Variants in IDO2 observed in about 807,000 individuals in gnomAD.
IDO2 encodes indoleamine 2,3-dioxygenase-like 1 protein.
Under a neutral mutation model 45.1 loss-of-function variants are expected in IDO2, and 46 were observed. The ratio of observed to expected loss-of-function variants is 1.02; its 90% CI spans 0.80 to 1.30. The LOEUF is 1.30. Ranked by LOEUF, IDO2 falls within the 50% of genes most tolerant of loss-of-function variation. The probability of loss-of-function intolerance (pLI) is 0.00; values close to 1 mark genes in which losing one functional copy is unlikely to be tolerated. For missense variants in IDO2, 544 were observed against 491.8 expected (o/e 1.11, Z -1.00); for synonymous variants, 218 against 184.9 (o/e 1.18, Z -1.45).
At chr8:39,940,365 T>C (rs1468982511) in intron 1 of IDO2, among the ~76,000 whole-genome samples, 1 of 152,192 alleles carries the variant, frequency 6.6e-6, no homozygotes, top group Non-Finnish European at 1.5e-5. Context: ...AATACAAAGT[T>C]GTGTTGGATA....
At chr8:39,945,095 G>A (rs1807710099) in intron 1 of IDO2, among the ~76,000 whole-genome samples, 1 of 152,226 alleles carries the variant, frequency 6.6e-6, no homozygotes, top group African/African-American at 2.4e-5. Context: ...GAATGACAAA[G>A]TTCATAAATT....
At chr8:40,015,195 C>G in intron 10 of IDO2, 52 bp from the exon 11 acceptor site, 1 of 1,060,178 alleles carries the variant, frequency 9.4e-7, no homozygotes, top group Non-Finnish European at 1.4e-6. Flanking sequence ...CAGACGAGCT[C>G]TGCTATATTT....
intron 10 of IDO2, among the ~76,000 whole-genome samples, chr8:40,014,631 A>G (rs1434628549): frequency 6.6e-6 from 1 of 152,220 alleles, no homozygotes; most frequent in East Asian, 1.9e-4. Context: ...GCAGCTACCA[A>G]CGGGATACTT....
intron 2 of IDO2, among the ~76,000 whole-genome samples, chr8:39,955,609 C>T (rs887646156): frequency 3.9e-5 from 6 of 152,012 alleles, no homozygotes; most frequent in African/African-American, 1.5e-4. Context: ...AAGTTGAATA[C>T]TCTGACGATA....
intron 4 of IDO2, among the ~76,000 whole-genome samples, chr8:39,979,586 C>T (rs922478545): frequency 6.6e-6 from 1 of 151,978 alleles, no homozygotes; most frequent in Non-Finnish European, 1.5e-5. Flanking sequence ...CTCTTGACCT[C>T]AGGTAATCTG....
chr8:39,969,853 C>T (rs889885691), intron 3 of IDO2, among the ~76,000 whole-genome samples: 3 of 140,388 alleles, frequency 2.1e-5, no homozygotes, highest in African/African-American at 8.1e-5. Context: ...CCAGCCAGGG[C>T]AACAAGAGTA....
At chr8:39,952,378 A>C (rs1301202897) in intron 2 of IDO2, among the ~76,000 whole-genome samples, 1 of 152,250 alleles carries the variant, frequency 6.6e-6, no homozygotes, top group Non-Finnish European at 1.5e-5. Context: ...AAACTCTTTT[A>C]GAAGTTCCTT....
chr8:39,949,093 C>G (rs1210256676), intron 1 of IDO2, 56 bp from the exon 2 acceptor site: 4 of 1,550,366 alleles, frequency 2.6e-6, no homozygotes, highest in African/African-American at 1.4e-5. Flanking sequence ...AAGGATGGAA[C>G]CTGGGTGTTT....
exon 5 of IDO2, chr8:39,982,704 G>A: frequency 1.2e-6 from 2 of 1,611,840 alleles, no homozygotes; most frequent in African/African-American, 2.7e-5. Context: ...AGGAACTTGG[G>A]GCTCCCTCCT....
At chr8:40,015,157 GAA>G (rs5891076) in intron 10 of IDO2, 88 bp from the exon 11 acceptor site, 91 of 652,934 alleles carry the variant, frequency 1.4e-4, no homozygotes, top group East Asian at 2.5e-4. Flanking sequence ...CTCATCTAGA[GAA>G]AAAAAAAATA....
At chr8:39,985,663 G>A in intron 6 of IDO2, 141 bp downstream of exon 6, 4 of 697,222 alleles carry the variant, frequency 5.7e-6, no homozygotes, top group Admixed American at 3.1e-5. Context: ...TATACTAGAA[G>A]GAAATGTGCC....
In IDO2 at chr8:39,961,320, CTTTTTTTTT is replaced by C. The variant is rs57577433; in HGVS notation, c.100-2277_100-2269del. Among the ~76,000 whole-genome samples the C allele has an allele frequency of 1.5e-4, 16 of 106,116 alleles. 1 individual carries two copies. The East Asian group carries it at 1.8e-3, about 12-fold the overall frequency. 69.6% of individuals were successfully genotyped at this position (106,116 alleles called of 152,430 possible). On this transcript the variant is annotated intron_variant, in intron 2 of 10. Coordinates refer to ENST00000502986, the Ensembl canonical transcript of IDO2. ...AGTTATGCTTTCAAATTGTATACTT[CTTTTTTTTT>C]TTTTTTTTTTGAAATGGAGTGTTAC...
chr8:39,951,544 C>A (rs1807814996), intron 2 of IDO2, among the ~76,000 whole-genome samples: 1 of 152,112 alleles, frequency 6.6e-6, no homozygotes. Flanking sequence ...TACAAACATC[C>A]CCTGACCCTC....
chr8:39,965,296 AGAAACATGGT>A (rs1474262547), intron 3 of IDO2, among the ~76,000 whole-genome samples: 30 of 152,258 alleles, frequency 2.0e-4, no homozygotes, highest in African/African-American at 7.0e-4. Flanking sequence ...GACCAGCCTG[AGAAACATGGT>A]GAAACCATGT....
At chr8:39,938,791 A>G (rs59564535) in intron 1 of IDO2, among the ~76,000 whole-genome samples, 28,066 of 152,178 alleles carry the variant, frequency 0.18, 2,999 homozygotes, top group South Asian at 0.32. Flanking sequence ...CTCAACAGAA[A>G]CCCCATCAAA....
chr8:39,989,769 C>CT lies in IDO2; in HGVS notation c.599dup (p.Leu201AlafsTer23). ...TATCTTGCAGCCCAACCAGGAGGCC[C>CT]TGCTCCAAGCCCTGCAGCGACTGAG... On this transcript the variant is annotated frameshift_variant, in exon 8 of 11. Coordinates refer to ENST00000502986, the Ensembl canonical transcript of IDO2. LOFTEE classifies it high-confidence loss of function. The CT allele has an allele frequency of 1.2e-6, 2 of 1,604,678 alleles. No individual in the cohort carries two copies. Among genetic ancestry groups the CT allele is most frequent in the Non-Finnish European group, 1.7e-6 (2 of 1,175,796 alleles).
At chr8:39,974,431 A>C (rs577813733) in intron 3 of IDO2, among the ~76,000 whole-genome samples, 1 of 152,340 alleles carries the variant, frequency 6.6e-6, no homozygotes, top group Non-Finnish European at 1.5e-5. Flanking sequence ...AAAATCAAAA[A>C]TGTTTCATCT....
chr8:39,960,526 C>T (rs1807976185), intron 2 of IDO2, among the ~76,000 whole-genome samples: 1 of 152,228 alleles, frequency 6.6e-6, no homozygotes, highest in African/African-American at 2.4e-5. Flanking sequence ...TCCCTACTGC[C>T]TTATGGCTCT....
chr8:40,002,977 A>G (rs1373414322), intron 8 of IDO2, among the ~76,000 whole-genome samples: 4 of 152,186 alleles, frequency 2.6e-5, no homozygotes, highest in Non-Finnish European at 5.9e-5. Context: ...AACCACCTCA[A>G]ATCATTTCTT....
Sources: allele counts gnomAD v4.1 joint callset (sites outside exome capture counted in the v4.1 genomes callset), GRCh38; gene constraint gnomAD v4.1.1; transcripts MANE v1.5; gene names NCBI Gene and HGNC (gene_info 2026-07-23, HGNC 2026-07-21).